The following SDR42E2 variants were observed in gnomAD, a reference collection of about 807,000 sequenced individuals.
SDR42E2 encodes short chain dehydrogenase/reductase family 42E, member 2, also known as putative short-chain dehydrogenase/reductase family 42E member 2.
Under a neutral mutation model 10.5 loss-of-function variants are expected in SDR42E2, and 20 were observed. That is an observed-to-expected ratio of 1.90 (90% CI 1.34 to 2.77). The LOEUF (loss-of-function observed/expected upper bound fraction) is 2.77. SDR42E2 is among the 30% of genes most tolerant of loss of function. SDR42E2 has a pLI of 0.00. For missense variants in SDR42E2, 162 were observed against 104.2 expected (o/e 1.55, Z -2.42); for synonymous variants, 72 against 39.2 (o/e 1.84, Z -3.12).
At chr16:22,178,087 C>T (rs779733274) in intron 7 of SDR42E2, 43 bp from the exon 8 acceptor site, 1 of 695,262 alleles carries the variant, frequency 1.4e-6, no homozygotes, top group Non-Finnish European at 2.6e-6. Flanking sequence ...TCCCTGTGGG[C>T]TGCTCCTCCC....
At chr16:22,181,303 G>A (rs964247315) in intron 8 of SDR42E2, among the ~76,000 whole-genome samples, 3 of 152,138 alleles carry the variant, frequency 2.0e-5, no homozygotes, top group Admixed American at 6.5e-5. Flanking sequence ...AGGGAGGAGC[G>A]GGGTGGGAGA....
At chr16:22,185,381 C>T (rs1354588202) in intron 11 of SDR42E2, among the ~76,000 whole-genome samples, 2 of 152,168 alleles carry the variant, frequency 1.3e-5, no homozygotes, top group South Asian at 2.1e-4. Context: ...TCATGCACAG[C>T]ATTGCCGCAG....
chr16:22,181,515 C>T lies in SDR42E2; in HGVS notation c.673-4C>T, dbSNP rs1445977307. On this transcript the variant is annotated splice_region_variant and splice_polypyrimidine_tract_variant and intron_variant, in intron 8 of 12. Coordinates refer to ENST00000602312, the MANE Select transcript of SDR42E2 (RefSeq NM_001394319.2). ...CCTGTTTATCACCCACTCCTCTCCA[C>T]CAGGGCCACATCAAGAAGAGGCTGT... The T allele has an allele frequency of 5.7e-6, 4 of 702,962 alleles. No individual in the cohort carries two copies. The highest frequency in any genetic ancestry group is 2.7e-5 in the East Asian group (1 of 37,294). The allele number at this position is 702,962 out of a possible 1,614,324, so 43.5% of individuals were successfully genotyped here.
intron 7 of SDR42E2, among the ~76,000 whole-genome samples, chr16:22,175,113 A>T (rs2046633604): frequency 6.6e-6 from 1 of 152,114 alleles, no homozygotes; most frequent in African/African-American, 2.4e-5. Context: ...TGGGTGTGTT[A>T]GTATCCTGTG....
At chr16:22,187,830 G>A (rs1297751753) in intron 12 of SDR42E2, among the ~76,000 whole-genome samples, 5 of 151,940 alleles carry the variant, frequency 3.3e-5, no homozygotes, top group Non-Finnish European at 7.4e-5. Context: ...GGGCACGGTG[G>A]CTCACACTTG....
intron 5 of SDR42E2, among the ~76,000 whole-genome samples, chr16:22,170,155 G>T (rs1320204948): frequency 6.6e-6 from 1 of 151,784 alleles, no homozygotes; most frequent in Non-Finnish European, 1.5e-5. Context: ...GGGAGTTCGG[G>T]GCTAGACTGA....
chr16:22,173,579 T>A (rs1010405045), intron 7 of SDR42E2, among the ~76,000 whole-genome samples: 50 of 152,128 alleles, frequency 3.3e-4, no homozygotes, highest in African/African-American at 1.0e-3. Context: ...CTCATTTTTT[T>A]ATGGATTCTC....
rs1433813028 is a variant in SDR42E2, at chr16:22,165,529, CT to C, written c.-36-17del. On this transcript the variant is annotated splice_polypyrimidine_tract_variant and intron_variant, in intron 1 of 12. Transcript: ENST00000602312. ...AAACGATTCTAGAGCATTCTTTCTTCTATTTTTTTTCCCACAGGTGGTCGGT... is the reference window on the plus strand; with the variant it reads ...AAACGATTCTAGAGCATTCTTTCTTCATTTTTTTTCCCACAGGTGGTCGGT... 1 of 401,044 alleles carries C rather than the reference CT, an allele frequency of 2.5e-6. No homozygotes were observed. Among genetic ancestry groups the C allele is most frequent in the African/African-American group, 2.1e-5 (1 of 48,698 alleles). The allele number at this position is 401,044 out of a possible 1,614,324, so 24.8% of individuals were successfully genotyped here.
intron 5 of SDR42E2, among the ~76,000 whole-genome samples, chr16:22,169,732 G>T (rs950529737): frequency 6.6e-6 from 1 of 152,152 alleles, no homozygotes; most frequent in Non-Finnish European, 1.5e-5. Flanking sequence ...ACTGGAAAAA[G>T]AAAAGTTGCC....
At chr16:22,163,065 G>A (rs1477086222) in intron 1 of SDR42E2, among the ~76,000 whole-genome samples, 3 of 152,164 alleles carry the variant, frequency 2.0e-5, no homozygotes, top group South Asian at 2.1e-4. Context: ...ATCTAGCCTC[G>A]CAAGGCATTC....
rs1348402540 is a variant in SDR42E2, at chr16:22,191,522, C to G, written c.*1129C>G. Reference sequence around the variant, plus strand: ...ATTCGATCCACCCCGACCCAATGTTCTGGGCTTCTCATTCACACAGATCTG... The same window carrying G: ...ATTCGATCCACCCCGACCCAATGTTGTGGGCTTCTCATTCACACAGATCTG... On this transcript the variant is annotated 3_prime_UTR_variant, in exon 13 of 13. Coordinates refer to ENST00000602312, the MANE Select transcript of SDR42E2 (RefSeq NM_001394319.2). 6.6e-6 allele frequency: 1 copy of G among 152,140 alleles called. No individual in the cohort carries two copies. Among genetic ancestry groups the G allele is most frequent in the Non-Finnish European group, 1.5e-5 (1 of 68,032 alleles). 9.4% of individuals were successfully genotyped at this position (152,140 alleles called of 1,614,324 possible).
chr16:22,179,012 T>C (rs1414673379), intron 8 of SDR42E2, among the ~76,000 whole-genome samples: 3 of 152,090 alleles, frequency 2.0e-5, no homozygotes, highest in African/African-American at 7.2e-5. Context: ...TTTTTGTTTA[T>C]AGTCAGGGTC....
chr16:22,189,857 G>T (rs1364538881), intron 12 of SDR42E2, among the ~76,000 whole-genome samples: 1 of 152,186 alleles, frequency 6.6e-6, no homozygotes, highest in South Asian at 2.1e-4. Flanking sequence ...TGAGACCTTT[G>T]CTTCTTAGGG....
At chr16:22,164,434 C>T (rs957993950) in intron 1 of SDR42E2, among the ~76,000 whole-genome samples, 4 of 152,140 alleles carry the variant, frequency 2.6e-5, no homozygotes, top group Non-Finnish European at 4.4e-5. Context: ...TAGCATGCAC[C>T]TGTATTCCCA....
At chr16:22,165,701 G>A (rs1050257844) in intron 2 of SDR42E2, 64 bp downstream of exon 2, 9 of 401,986 alleles carry the variant, frequency 2.2e-5, no homozygotes, top group Non-Finnish European at 3.5e-5. Flanking sequence ...TCTGGCTCAG[G>A]GTCTGAGTCA....
intron 5 of SDR42E2, among the ~76,000 whole-genome samples, chr16:22,170,577 G>A (rs540299660): frequency 1.5e-4 from 23 of 152,166 alleles, no homozygotes; most frequent in South Asian, 1.2e-3. Flanking sequence ...AAAGAATAAG[G>A]AGCAGACCTG....
At chr16:22,173,780 G>C (rs188368113) in intron 7 of SDR42E2, among the ~76,000 whole-genome samples, 103 of 151,766 alleles carry the variant, frequency 6.8e-4, no homozygotes, top group Middle Eastern at 3.4e-3. Context: ...TCAGCACTTT[G>C]GGAGGCGGAG....
intron 12 of SDR42E2, 40 bp downstream of exon 12, chr16:22,186,834 C>G (rs1364013553): frequency 2.5e-6 from 1 of 400,762 alleles, no homozygotes; most frequent in Non-Finnish European, 4.4e-6. Flanking sequence ...CCCTGCTCCC[C>G]ATCCCTCCCT....
chr16:22,173,905 G>GTGTATATATA (rs1242574129), intron 7 of SDR42E2, among the ~76,000 whole-genome samples: 3 of 115,044 alleles, frequency 2.6e-5, no homozygotes, highest in East Asian at 9.7e-4. Context: ...ATGTGTGTGT[G>GTGTATATATA]TATATATATA....
Sources: allele counts gnomAD v4.1 joint callset (sites outside exome capture counted in the v4.1 genomes callset), GRCh38; gene constraint gnomAD v4.1.1; transcripts MANE v1.5; gene names NCBI Gene and HGNC (gene_info 2026-07-23, HGNC 2026-07-21).